The following RCAN2 variants were observed in gnomAD, a reference collection of about 807,000 sequenced individuals.
The protein encoded by RCAN2 is regulator of calcineurin 2.
In RCAN2, 9 loss-of-function variants were observed where a neutral mutation model predicts 23.6. The observed-to-expected ratio is 0.38, with a 90% CI of 0.23 to 0.67. RCAN2 has a LOEUF of 0.67. Among genes scored for constraint, RCAN2 ranks in the 30% least tolerant of loss-of-function variants. The pLI, the probability that RCAN2 is intolerant of heterozygous loss-of-function variation, is 0.51. For synonymous variants in RCAN2, 109 were observed against 115.7 expected (o/e 0.94, Z 0.37); for missense variants, 273 against 302.3 (o/e 0.90, Z 0.72).
intron 2 of RCAN2, among the ~76,000 whole-genome samples, chr6:46,419,373 A>G (rs1007989175): frequency 3.3e-5 from 5 of 152,226 alleles, no homozygotes; most frequent in African/African-American, 9.6e-5. Context: ...TAGAAGGCCT[A>G]GTATGCTCTT....
chr6:46,272,548 T>C (rs763037580), intron 2 of RCAN2, among the ~76,000 whole-genome samples: 9 of 152,216 alleles, frequency 5.9e-5, no homozygotes, highest in Middle Eastern at 3.2e-3. Flanking sequence ...TATAGATGCA[T>C]AACTACTTTT....
rs1768756254 is a variant in RCAN2, at chr6:46,477,811, C to A, written c.-3+13362G>T. ...CATCTCTAGGGTGGAAGTACCCTGG[C>A]AGACAGTATAATTAAAAGCAAACTC... On this transcript the variant is annotated intron_variant, in intron 1 of 4. Transcript: ENST00000371374. 2.6e-5 allele frequency among the ~76,000 whole-genome samples: 4 copies of A among 152,132 alleles called. No homozygotes were observed. The South Asian group carries it at 6.2e-4, about 24-fold the overall frequency.
chr6:46,256,774 G>T (rs1375470449), intron 2 of RCAN2, among the ~76,000 whole-genome samples: 1 of 152,174 alleles, frequency 6.6e-6, no homozygotes, highest in Non-Finnish European at 1.5e-5. Context: ...AATGGAAAAC[G>T]AGAAGAGAAA....
At chr6:46,337,193 T>C (rs187592810) in intron 2 of RCAN2, among the ~76,000 whole-genome samples, 10 of 152,064 alleles carry the variant, frequency 6.6e-5, no homozygotes, top group East Asian at 5.8e-4. Flanking sequence ...AGGGGAAGGA[T>C]AAAAAATGAG....
chr6:46,341,505 A>G (rs1764316206), intron 2 of RCAN2, among the ~76,000 whole-genome samples: 1 of 152,230 alleles, frequency 6.6e-6, no homozygotes, highest in Non-Finnish European at 1.5e-5. Flanking sequence ...GCTTGCTTAA[A>G]AGAAAGGCAC....
At chr6:46,417,981 T>C (rs1360476308) in intron 2 of RCAN2, among the ~76,000 whole-genome samples, 1 of 152,220 alleles carries the variant, frequency 6.6e-6, no homozygotes, top group Non-Finnish European at 1.5e-5. Flanking sequence ...AAATGAATAA[T>C]CTGAAACTTG....
intron 1 of RCAN2, among the ~76,000 whole-genome samples, chr6:46,480,913 C>A (rs150317365): frequency 6.6e-6 from 1 of 152,202 alleles, no homozygotes; most frequent in Non-Finnish European, 1.5e-5. Flanking sequence ...TGAGCCACTG[C>A]GCCCGGCCAC....
At chr6:46,301,280 T>C (rs1762896634) in intron 2 of RCAN2, among the ~76,000 whole-genome samples, 1 of 152,100 alleles carries the variant, frequency 6.6e-6, no homozygotes, top group South Asian at 2.1e-4. Context: ...CTTCCCAGTG[T>C]CTGCATCTGT....
chr6:46,304,928 G>A (rs1056063315), intron 2 of RCAN2, among the ~76,000 whole-genome samples: 2 of 152,116 alleles, frequency 1.3e-5, no homozygotes, highest in African/African-American at 4.8e-5. Flanking sequence ...GTGTGTGAAC[G>A]ATCTTATGCC....
chr6:46,256,609 G>T (rs1395436361), intron 2 of RCAN2, among the ~76,000 whole-genome samples: 2 of 152,166 alleles, frequency 1.3e-5, no homozygotes, highest in East Asian at 3.9e-4. Flanking sequence ...TACGGACACA[G>T]GTATTTATTG....
chr6:46,355,169 T>C (rs1223582558), intron 2 of RCAN2, among the ~76,000 whole-genome samples: 1 of 152,208 alleles, frequency 6.6e-6, no homozygotes, highest in Non-Finnish European at 1.5e-5. Context: ...ATATGTATAC[T>C]AATCATTATG....
chr6:46,227,460 A>G (rs1009322480), intron 4 of RCAN2, among the ~76,000 whole-genome samples: 3 of 152,154 alleles, frequency 2.0e-5, no homozygotes, highest in African/African-American at 7.2e-5. Flanking sequence ...CCTCAATTTC[A>G]GAGCCTGTTA....
At chr6:46,424,357 A>G (rs1766975777) in intron 2 of RCAN2, among the ~76,000 whole-genome samples, 2 of 152,128 alleles carry the variant, frequency 1.3e-5, no homozygotes, top group South Asian at 2.1e-4. Context: ...CTGGGACTCA[A>G]ATCCCAGCAG....
chr6:46,368,288 T>G lies in RCAN2; in HGVS notation c.225+88464A>C, dbSNP rs1367255720. 2.0e-5 allele frequency among the ~76,000 whole-genome samples: 3 copies of G among 152,238 alleles called. No homozygotes were observed. The East Asian group carries it at 5.8e-4, about 29-fold the overall frequency. On this transcript the variant is annotated intron_variant, in intron 2 of 4. Transcript: ENST00000371374. Reference sequence around the variant, plus strand: ...TAAAATGTTAGAATGATGATAGCTCTGTGTGCTTTACTGTTGCACTCTACC... The same window carrying G: ...TAAAATGTTAGAATGATGATAGCTCGGTGTGCTTTACTGTTGCACTCTACC...
intron 2 of RCAN2, among the ~76,000 whole-genome samples, chr6:46,444,104 G>T (rs6934211): frequency 0.027 from 4,175 of 152,254 alleles, 211 homozygotes; most frequent in African/African-American, 0.095. Flanking sequence ...GCCTTGAAGG[G>T]CTTCAGGGTC....
At chr6:46,310,208 A>G (rs1163587658) in intron 2 of RCAN2, among the ~76,000 whole-genome samples, 2 of 152,156 alleles carry the variant, frequency 1.3e-5, no homozygotes, top group African/African-American at 4.8e-5. Context: ...AGATGGGTTC[A>G]GATTCCATGC....
intron 2 of RCAN2, among the ~76,000 whole-genome samples, chr6:46,301,027 A>G (rs553758943): frequency 1.5e-3 from 223 of 152,156 alleles, no homozygotes; most frequent in African/African-American, 5.2e-3. Context: ...CAAAAAAATC[A>G]GCGTGGGAAA....
At chr6:46,250,358 T>C (rs1055904129) in intron 2 of RCAN2, among the ~76,000 whole-genome samples, 1 of 152,242 alleles carries the variant, frequency 6.6e-6, no homozygotes, top group South Asian at 2.1e-4. Context: ...GTGTTCTTAA[T>C]AGAGAAACTT....
intron 2 of RCAN2, among the ~76,000 whole-genome samples, chr6:46,365,960 C>G (rs1052276473): frequency 2.6e-5 from 4 of 152,292 alleles, no homozygotes; most frequent in African/African-American, 9.6e-5. Flanking sequence ...ACAACTGACC[C>G]AGGTAGGTAC....
Sources: gnomAD v4.1 joint callset for allele counts (sites outside exome capture counted in the v4.1 genomes callset) on GRCh38, gnomAD v4.1.1 for gene constraint, MANE v1.5 for transcripts, NCBI Gene and HGNC (gene_info 2026-07-23, HGNC 2026-07-21) for gene names.